Variants in SUMF1 observed in about 807,000 individuals in gnomAD.
SUMF1 encodes the protein formylglycine-generating enzyme.
SUMF1 carries 48 observed loss-of-function variants against 47.6 expected under a neutral mutation model. The ratio of observed to expected loss-of-function variants is 1.01; its 90% CI spans 0.80 to 1.28. The LOEUF (loss-of-function observed/expected upper bound fraction) is 1.28, where lower values mean the gene tolerates loss of function less well. Ranked by LOEUF, SUMF1 falls within the 50% of genes most tolerant of loss-of-function variation. The pLI, the probability that SUMF1 is intolerant of heterozygous loss-of-function variation, is 0.00. For synonymous variants in SUMF1, 230 were observed against 192.1 expected (o/e 1.20, Z -1.63); for missense variants, 571 against 485.4 (o/e 1.18, Z -1.66).
chr3:4,064,259 T>A (rs1695331697), intron 9 of SUMF1, among the ~76,000 whole-genome samples: 1 of 152,094 alleles, frequency 6.6e-6, no homozygotes, highest in African/African-American at 2.4e-5. Context: ...AAGATGGCAA[T>A]GAAGTGACCA....
intron 7 of SUMF1, among the ~76,000 whole-genome samples, chr3:4,408,082 A>G (rs1005011525): frequency 6.6e-6 from 1 of 152,202 alleles, no homozygotes; most frequent in Non-Finnish European, 1.5e-5. Flanking sequence ...AACCTCCACA[A>G]TTTTTCACAT....
chr3:4,284,154 G>C (rs1171345356), intron 8 of SUMF1, among the ~76,000 whole-genome samples: 3 of 152,030 alleles, frequency 2.0e-5, no homozygotes, highest in Non-Finnish European at 4.4e-5. Flanking sequence ...AGAGGCTTAT[G>C]CTTAGAACGC....
chr3:4,288,736 G>C (rs1697683840), intron 8 of SUMF1, among the ~76,000 whole-genome samples: 1 of 151,752 alleles, frequency 6.6e-6, no homozygotes, highest in Non-Finnish European at 1.5e-5. Flanking sequence ...CTGGGAGGTG[G>C]AGGTTGCAGT....
At chr3:4,188,533 A>T (rs1409357738) in intron 8 of SUMF1, among the ~76,000 whole-genome samples, 1 of 152,160 alleles carries the variant, frequency 6.6e-6, no homozygotes, top group East Asian at 1.9e-4. Context: ...TCCAGGGCAG[A>T]ACTCTGGGCA....
intron 8 of SUMF1, among the ~76,000 whole-genome samples, chr3:4,276,386 T>C (rs1031446192): frequency 6.9e-5 from 9 of 129,574 alleles, no homozygotes; most frequent in Admixed American, 3.0e-4. Flanking sequence ...AACTATCTTT[T>C]ACTATGACAA....
At chr3:4,379,490 G>A (rs1451006233) in intron 7 of SUMF1, among the ~76,000 whole-genome samples, 1 of 152,156 alleles carries the variant, frequency 6.6e-6, no homozygotes, top group Non-Finnish European at 1.5e-5. Flanking sequence ...CTCCAGATGG[G>A]GTGTGGCACA....
chr3:4,210,932 C>T (rs1027474302), intron 8 of SUMF1, among the ~76,000 whole-genome samples: 2 of 151,446 alleles, frequency 1.3e-5, no homozygotes, highest in Non-Finnish European at 2.9e-5. Context: ...GCTAGACTGG[C>T]ATAGCCTCCC....
At position 4,428,936 on chromosome 3, in the gene SUMF1, T is replaced by C. The variant is rs190416318; in HGVS notation, c.520-8790A>G. ...TTTTCATTGATTTTATTGAATATTT[T>C]TCTATGTTTTATCTGAACTTCATAA... On this transcript the variant is annotated intron_variant, in intron 3 of 8. Transcript: ENST00000272902. 4.6e-5 allele frequency among the ~76,000 whole-genome samples: 7 copies of C among 152,362 alleles called. No individual in the cohort carries two copies. The East Asian group carries it at 1.3e-3, about 29-fold the overall frequency.
intron 6 of SUMF1, among the ~76,000 whole-genome samples, chr3:4,416,778 C>T (rs528587875): frequency 1.1e-4 from 16 of 152,272 alleles, no homozygotes; most frequent in African/African-American, 3.1e-4. Flanking sequence ...AATAACTACA[C>T]GCCATTATTA....
At chr3:4,444,160 A>T (rs112992782) in intron 3 of SUMF1, among the ~76,000 whole-genome samples, 3,494 of 152,350 alleles carry the variant, frequency 0.023, 42 homozygotes, top group African/African-American at 0.031. Context: ...AAAGAAAAAA[A>T]ATAAAGTATG....
intron 8 of SUMF1, among the ~76,000 whole-genome samples, chr3:4,345,420 T>C (rs1415940008): frequency 2.6e-5 from 4 of 152,172 alleles, no homozygotes; most frequent in African/African-American, 9.7e-5. Flanking sequence ...CAGAATCTCA[T>C]ATCCAGCCAA....
At chr3:4,272,513 A>T (rs1311527035) in intron 8 of SUMF1, among the ~76,000 whole-genome samples, 1 of 152,128 alleles carries the variant, frequency 6.6e-6, no homozygotes, top group Non-Finnish European at 1.5e-5. Context: ...ACAGTTTCTG[A>T]CGGGGGCTGA....
At chr3:4,174,186 C>A (rs568820722) in intron 8 of SUMF1, among the ~76,000 whole-genome samples, 1 of 151,708 alleles carries the variant, frequency 6.6e-6, no homozygotes, top group Non-Finnish European at 1.5e-5. Context: ...GAAACCCCGT[C>A]TCTACTAAAA....
At position 4,222,602 on chromosome 3, in the gene SUMF1, C is replaced by T. The variant is rs369073263; in HGVS notation, c.1014+153728G>A. ...TGTTCCTAGCTCTCTACCCGGAGGG[C>T]CTGTCATCATCATCTCCTGACACCA... On this transcript the variant is annotated intron_variant and NMD_transcript_variant, in intron 8 of 12. Transcript: ENST00000448413. Among the ~76,000 whole-genome samples, 14 of 152,154 alleles carry T rather than the reference C, an allele frequency of 9.2e-5. 3 individuals are homozygous for T. Among genetic ancestry groups the T allele is most frequent in the Admixed American group, 6.6e-5 (1 of 15,254 alleles).
At chr3:4,207,706 A>G (rs1040695791) in intron 8 of SUMF1, among the ~76,000 whole-genome samples, 2 of 152,176 alleles carry the variant, frequency 1.3e-5, no homozygotes, top group Non-Finnish European at 2.9e-5. Flanking sequence ...AAACTGAAAA[A>G]TCAATAACTA....
intron 8 of SUMF1, among the ~76,000 whole-genome samples, chr3:4,169,874 C>T (rs566776713): frequency 6.6e-6 from 1 of 152,228 alleles, no homozygotes; most frequent in African/African-American, 2.4e-5. Flanking sequence ...GCAAAAGCCT[C>T]GTTAAAAGAA....
intron 8 of SUMF1, among the ~76,000 whole-genome samples, chr3:4,294,798 ATCGCAAATGGGAGAAGT>A (rs1697813448): frequency 6.6e-6 from 1 of 152,130 alleles, no homozygotes; most frequent in African/African-American, 2.4e-5. Flanking sequence ...AGCAATGTTT[ATCGCAAATGGGAGAAGT>A]TCTAATGATG....
chr3:4,170,748 C>T (rs1198946016), intron 8 of SUMF1, among the ~76,000 whole-genome samples: 3 of 151,988 alleles, frequency 2.0e-5, no homozygotes, highest in African/African-American at 7.2e-5. Flanking sequence ...GTCTTTTCAA[C>T]AAATGATGAT....
At chr3:4,072,878 T>A (rs571039050) in intron 8 of SUMF1, among the ~76,000 whole-genome samples, 1 of 152,266 alleles carries the variant, frequency 6.6e-6, no homozygotes, top group African/African-American at 2.4e-5. Context: ...CTGAAAGGGA[T>A]GGGGAGAATG....
Sources: allele counts gnomAD v4.1 joint callset (sites outside exome capture counted in the v4.1 genomes callset), GRCh38; gene constraint gnomAD v4.1.1; transcripts MANE v1.5; gene names NCBI Gene and HGNC (gene_info 2026-07-23, HGNC 2026-07-21).